Variants in KANK1 observed in about 807,000 individuals in gnomAD.
KANK1 encodes the protein KN motif and ankyrin repeat domain-containing protein 1.
A neutral mutation model predicts 106.2 loss-of-function variants in KANK1; 109 were observed. The observed-to-expected ratio is 1.03, with a 90% confidence interval of 0.88 to 1.20. The LOEUF (loss-of-function observed/expected upper bound fraction) is 1.20. KANK1 is among the 50% of genes most tolerant of loss of function. The pLI is 0.00. For synonymous variants in KANK1, 873 were observed against 652.2 expected (o/e 1.34, Z -5.16); for missense variants, 2,399 against 1,710.7 (o/e 1.40, Z -7.10).
intron 1 of KANK1, among the ~76,000 whole-genome samples, chr9:504,962 G>A (rs1031731158): frequency 4.8e-5 from 7 of 146,656 alleles, no homozygotes; most frequent in Admixed American, 1.3e-4. Flanking sequence ...GGCGGTCCTG[G>A]GGGGGGGTCC....
At chr9:583,577 C>G (rs1479318385) in intron 1 of KANK1, among the ~76,000 whole-genome samples, 2 of 151,800 alleles carry the variant, frequency 1.3e-5, no homozygotes, top group African/African-American at 4.8e-5. Flanking sequence ...TATAAAGATC[C>G]TTTATGGCTC....
intron 1 of KANK1, among the ~76,000 whole-genome samples, chr9:628,377 C>T (rs528729355): frequency 4.6e-5 from 7 of 151,912 alleles, no homozygotes; most frequent in Non-Finnish European, 8.8e-5. Context: ...GTTCCAAATC[C>T]TGAATAACTC....
intron 1 of KANK1, among the ~76,000 whole-genome samples, chr9:656,764 T>G (rs1178999673): frequency 6.6e-6 from 1 of 152,146 alleles, no homozygotes; most frequent in Non-Finnish European, 1.5e-5. Context: ...CTGAGTCTCC[T>G]GTATTAAAAA....
chr9:675,238 CTT>C (rs1816156032), intron 1 of KANK1, among the ~76,000 whole-genome samples: 1 of 152,094 alleles, frequency 6.6e-6, no homozygotes, highest in Non-Finnish European at 1.5e-5. Flanking sequence ...TTATTAAAAA[CTT>C]ATATGATTTC....
intron 1 of KANK1, among the ~76,000 whole-genome samples, chr9:506,698 T>TC (rs1327742356): frequency 6.6e-6 from 1 of 152,250 alleles, no homozygotes; most frequent in African/African-American, 2.4e-5. Flanking sequence ...AAGACTAGTT[T>TC]CATTTCATGA....
At chr9:663,004 A>T (rs902939128) in intron 1 of KANK1, among the ~76,000 whole-genome samples, 9 of 152,106 alleles carry the variant, frequency 5.9e-5, no homozygotes, top group Non-Finnish European at 1.0e-4. Context: ...AAAAAAATAA[A>T]TCTGAGGATG....
intron 1 of KANK1, among the ~76,000 whole-genome samples, chr9:509,415 C>G (rs1229752796): frequency 1.3e-5 from 2 of 152,216 alleles, no homozygotes; most frequent in Admixed American, 6.5e-5. Context: ...TTACCCCATC[C>G]TAGCAGACTA....
intron 1 of KANK1, among the ~76,000 whole-genome samples, chr9:514,112 CTTCCTCCCTCT>C (rs1157413532): frequency 7.3e-6 from 1 of 137,876 alleles, no homozygotes; most frequent in African/African-American, 3.1e-5. Context: ...CCCTCCCTCT[CTTCCTCCCTCT>C]CTCTCTCCCT....
intron 1 of KANK1, among the ~76,000 whole-genome samples, chr9:650,742 C>T (rs1450036392): frequency 6.6e-6 from 1 of 151,402 alleles, no homozygotes; most frequent in African/African-American, 2.5e-5. Flanking sequence ...GTCTCTTTAC[C>T]AGTCTTAAGG....
chr9:580,262 C>G (rs557419876), intron 1 of KANK1, among the ~76,000 whole-genome samples: 1 of 152,198 alleles, frequency 6.6e-6, no homozygotes, highest in East Asian at 1.9e-4. Context: ...TCGCTGGCCT[C>G]AGGAGTGAAG....
chr9:590,683 A>G (rs1010680634), intron 1 of KANK1, among the ~76,000 whole-genome samples: 6 of 151,906 alleles, frequency 3.9e-5, no homozygotes, highest in South Asian at 2.1e-4. Flanking sequence ...ATTCTTAAAT[A>G]CAGAAATGCA....
At chr9:723,880 C>G (rs1829998935) in intron 3 of KANK1, among the ~76,000 whole-genome samples, 1 of 151,406 alleles carries the variant, frequency 6.6e-6, no homozygotes, top group Non-Finnish European at 1.5e-5. Context: ...ATAGCTTGAA[C>G]CCAGCAGTTC....
chr9:730,777 T>C (rs10815557), intron 4 of KANK1: 9,522 of 182,844 alleles, frequency 0.052, 698 homozygotes, highest in East Asian at 0.18. Flanking sequence ...ATTCACGTTC[T>C]GGCAGGCATA....
intron 1 of KANK1, among the ~76,000 whole-genome samples, chr9:574,748 G>A (rs923958330): frequency 6.6e-6 from 1 of 151,556 alleles, no homozygotes; most frequent in Non-Finnish European, 1.5e-5. Flanking sequence ...CCAGCTACTT[G>A]GGAGGTTGAG....
intron 1 of KANK1, among the ~76,000 whole-genome samples, chr9:631,951 G>C (rs1835849626): frequency 6.6e-6 from 1 of 152,168 alleles, no homozygotes. Flanking sequence ...AATAGGATAA[G>C]TATTTAACAT....
chr9:488,259 A>G (rs1370251929), intron 3 of KANK1, among the ~76,000 whole-genome samples: 1 of 152,274 alleles, frequency 6.6e-6, no homozygotes, highest in Non-Finnish European at 1.5e-5. Flanking sequence ...TAGCCTCACA[A>G]TATCCAGTGT....
intron 4 of KANK1, chr9:730,469 A>C (rs1589255203): frequency 5.7e-6 from 3 of 522,026 alleles, no homozygotes; most frequent in Non-Finnish European, 1.0e-5. Flanking sequence ...AGGCAGGCAG[A>C]TCATTTGAGG....
In KANK1 at chr9:589,940, G is replaced by C. The variant is rs138298001; in HGVS notation, c.-84+85186G>C. Among the ~76,000 whole-genome samples the C allele has an allele frequency of 4.8e-3, 728 of 152,220 alleles. 10 individuals carry two copies. The highest frequency in any genetic ancestry group is 0.016 in the African/African-American group (678 of 41,538). On this transcript the variant is annotated intron_variant, in intron 1 of 11. Transcript: ENST00000382297. ...TCGACAGATTCTGTGAACCCCTTAG[G>C]CATGCTGAGGATTTCCTTGCCAGAT...
At chr9:669,439 G>A (rs1485778276) in intron 1 of KANK1, among the ~76,000 whole-genome samples, 2 of 152,080 alleles carry the variant, frequency 1.3e-5, no homozygotes, top group Non-Finnish European at 2.9e-5. Flanking sequence ...GTCAGAAAAA[G>A]ACTATCTCTC....
Sources: allele counts gnomAD v4.1 joint callset (sites outside exome capture counted in the v4.1 genomes callset), GRCh38; gene constraint gnomAD v4.1.1; transcripts MANE v1.5; gene names NCBI Gene and HGNC (gene_info 2026-07-23, HGNC 2026-07-21).